NUP210L: variants seen among roughly 807,000 people sequenced by gnomAD.
The protein encoded by NUP210L is nucleoporin 210 like.
NUP210L carries 74 observed loss-of-function variants against 208.5 expected under a neutral mutation model. The observed-to-expected ratio is 0.35, with a 90% confidence interval of 0.29 to 0.43. The LOEUF (loss-of-function observed/expected upper bound fraction) is 0.43, where lower values mean the gene tolerates loss of function less well. Among genes scored for constraint, NUP210L ranks in the 20% least tolerant of loss-of-function variants. NUP210L has a pLI of 1.00. For missense variants in NUP210L, 1,843 were observed against 2,289.4 expected (o/e 0.81, Z 3.98); for synonymous variants, 780 against 816.9 (o/e 0.95, Z 0.77).
intron 12 of NUP210L, among the ~76,000 whole-genome samples, chr1:154,108,364 G>C (rs1161902966): frequency 6.6e-6 from 1 of 152,072 alleles, no homozygotes; most frequent in Non-Finnish European, 1.5e-5. Flanking sequence ...CACCATGTTG[G>C]CCAGGATGGT....
chr1:154,135,612 AG>A (rs1405833793), intron 7 of NUP210L, among the ~76,000 whole-genome samples: 1 of 151,990 alleles, frequency 6.6e-6, no homozygotes, highest in East Asian at 1.9e-4. Flanking sequence ...TAGTAGAGTC[AG>A]GGTTTCACCG....
At chr1:154,109,129 C>T (rs1166256793) in intron 12 of NUP210L, among the ~76,000 whole-genome samples, 1 of 151,386 alleles carries the variant, frequency 6.6e-6, no homozygotes, top group East Asian at 1.9e-4. Flanking sequence ...AAAAACCCAA[C>T]AATCTGTTGC....
At chr1:154,080,249 A>G (rs1655250446) in intron 16 of NUP210L, among the ~76,000 whole-genome samples, 1 of 151,838 alleles carries the variant, frequency 6.6e-6, no homozygotes, top group South Asian at 2.1e-4. Context: ...AATCCCAGCT[A>G]CTCGGGAGGC....
At position 154,117,720 on chromosome 1, in the gene NUP210L, T is replaced by C. The variant is rs768468608; in HGVS notation, c.1620+5A>G. 6.2e-7 allele frequency: 1 copy of C among 1,607,128 alleles called. No homozygotes were observed. Among genetic ancestry groups the C allele is most frequent in the Non-Finnish European group, 8.5e-7 (1 of 1,175,388 alleles). ...GGTAATAAGAATATCTGGAGAGTCG[T>C]TTACCTTAATTTCTCCATATCGAAA... On this transcript the variant is annotated splice_donor_5th_base_variant and intron_variant, in intron 12 of 39. Coordinates refer to ENST00000368559, the Ensembl canonical transcript of NUP210L.
At chr1:153,996,688 T>C (rs1649886725) in intron 37 of NUP210L, among the ~76,000 whole-genome samples, 1 of 152,164 alleles carries the variant, frequency 6.6e-6, no homozygotes, top group South Asian at 2.1e-4. Context: ...CCCAAAGTGC[T>C]GGAATTACAG....
intron 16 of NUP210L, among the ~76,000 whole-genome samples, chr1:154,085,354 A>T (rs188298675): frequency 7.9e-5 from 12 of 151,678 alleles, no homozygotes; most frequent in East Asian, 5.9e-4. Context: ...CATCTCAAAA[A>T]AAATAAATAA....
intron 20 of NUP210L, 93 bp from the exon 21 acceptor site, chr1:154,058,786 A>C (rs1653999809): frequency 1.5e-6 from 2 of 1,329,758 alleles, no homozygotes; most frequent in Non-Finnish European, 1.0e-6. Context: ...AATAGAAAAC[A>C]TCTTGCTTTC....
At chr1:154,070,438 C>T in exon 17 of NUP210L, 3 of 1,595,606 alleles carry the variant, frequency 1.9e-6, no homozygotes, top group Non-Finnish European at 2.6e-6. Context: ...AGTTCCAGGA[C>T]TGTGTCCCTC....
intron 14 of NUP210L, 148 bp downstream of exon 14, chr1:154,099,850 G>A (rs1656373627): frequency 5.4e-6 from 4 of 734,488 alleles, no homozygotes; most frequent in Admixed American, 4.6e-5. Flanking sequence ...GGAGAGAGCT[G>A]TAGATCTAAA....
chr1:154,053,568 T>A (rs1000279170), intron 25 of NUP210L, among the ~76,000 whole-genome samples: 3 of 152,214 alleles, frequency 2.0e-5, no homozygotes, highest in Non-Finnish European at 4.4e-5. Context: ...AAGGAACACC[T>A]GGCCCACCCA....
intron 7 of NUP210L, among the ~76,000 whole-genome samples, chr1:154,134,632 G>A (rs1282481305): frequency 1.4e-5 from 2 of 147,430 alleles, no homozygotes; most frequent in East Asian, 4.1e-4. Flanking sequence ...AGCTACTCGG[G>A]AGGCTGAGGC....
intron 14 of NUP210L, 133 bp from the exon 15 acceptor site, chr1:154,095,289 A>T (rs1656126356): frequency 1.5e-6 from 1 of 676,098 alleles, no homozygotes; most frequent in Non-Finnish European, 2.5e-6. Flanking sequence ...TATGTATGCC[A>T]TGCCTCTCAC....
At chr1:153,997,596 A>T (rs1444707168) in intron 37 of NUP210L, among the ~76,000 whole-genome samples, 1 of 150,530 alleles carries the variant, frequency 6.6e-6, no homozygotes, top group Admixed American at 6.7e-5. Flanking sequence ...CTTTCAGAGT[A>T]GCTAGGACTG....
At chr1:154,151,966 T>C (rs1210774771) in intron 2 of NUP210L, among the ~76,000 whole-genome samples, 3 of 150,636 alleles carry the variant, frequency 2.0e-5, no homozygotes, top group South Asian at 2.1e-4. Flanking sequence ...GCAGTGCGCC[T>C]GTAATCCCAG....
At chr1:154,119,334 T>A (rs1348257215) in intron 10 of NUP210L, among the ~76,000 whole-genome samples, 4 of 152,104 alleles carry the variant, frequency 2.6e-5, no homozygotes, top group Admixed American at 2.0e-4. Flanking sequence ...ATGTCTATAA[T>A]CCCAGCACTT....
intron 10 of NUP210L, among the ~76,000 whole-genome samples, chr1:154,123,969 G>A (rs1179331936): frequency 6.6e-6 from 1 of 151,718 alleles, no homozygotes; most frequent in African/African-American, 2.4e-5. Flanking sequence ...GGATCACAAG[G>A]TCAGGAGTTC....
chr1:154,050,531 T>TC (rs34392626), intron 25 of NUP210L, among the ~76,000 whole-genome samples: 39,392 of 152,080 alleles, frequency 0.26, 5,581 homozygotes, highest in Admixed American at 0.37. Context: ...ACATACTAAT[T>TC]CACAGACTCT....
intron 28 of NUP210L, among the ~76,000 whole-genome samples, chr1:154,029,186 G>A (rs1328236919): frequency 1.3e-5 from 2 of 148,902 alleles, no homozygotes; most frequent in African/African-American, 5.0e-5. Context: ...AGACCATCCT[G>A]GCTAACACAG....
intron 7 of NUP210L, among the ~76,000 whole-genome samples, chr1:154,131,954 C>T (rs1171914564): frequency 2.0e-5 from 3 of 152,036 alleles, no homozygotes; most frequent in African/African-American, 4.8e-5. Context: ...GGATTACAGG[C>T]GTGCATCACC....
Sources: allele counts gnomAD v4.1 joint callset (sites outside exome capture counted in the v4.1 genomes callset), GRCh38; gene constraint gnomAD v4.1.1; transcripts MANE v1.5; gene names NCBI Gene and HGNC (gene_info 2026-07-23, HGNC 2026-07-21).